Variants in TNFSF4 observed in about 807,000 individuals in gnomAD.
TNFSF4 encodes the protein tumor necrosis factor ligand superfamily member 4.
TNFSF4 carries 4 observed loss-of-function variants against 7.3 expected under a neutral mutation model. The observed-to-expected ratio is 0.55, with a 90% confidence interval of 0.27 to 1.25. TNFSF4 has a LOEUF of 1.25. Among genes scored for constraint, TNFSF4 ranks in the 50% most tolerant of loss-of-function variants. TNFSF4 has a pLI of 0.12. For synonymous variants in TNFSF4, 76 were observed against 83.7 expected, an observed-to-expected ratio of 0.91 and a Z score of 0.50; for missense variants, 181 against 208.8, an observed-to-expected ratio of 0.87 and a Z score of 0.82.
At chr1:173,336,735 C>A in the TNFSF4 span, among the ~76,000 whole-genome samples, 1 of 152,132 alleles carries the variant, frequency 6.6e-6, no homozygotes, top group Non-Finnish European at 1.5e-5. Context: ...GTTGGTAAGA[C>A]ATTTGCACAT....
the TNFSF4 span, among the ~76,000 whole-genome samples, chr1:173,297,084 G>A: frequency 8.0e-4 from 121 of 152,036 alleles, 1 homozygote; most frequent in South Asian, 0.024. Context: ...GAGCAAGAGA[G>A]TTTTTGTCCT....
At chr1:173,328,920 C>T in the TNFSF4 span, among the ~76,000 whole-genome samples, 2 of 152,150 alleles carry the variant, frequency 1.3e-5, no homozygotes, top group Admixed American at 1.3e-4. Flanking sequence ...AATTCCACCA[C>T]ACGTGGAAAG....
chr1:173,285,041 T>C, the TNFSF4 span, among the ~76,000 whole-genome samples: 5 of 152,322 alleles, frequency 3.3e-5, no homozygotes, highest in Non-Finnish European at 7.3e-5. Context: ...GCAAAGTCCA[T>C]TGAAAACTTT....
the TNFSF4 span, among the ~76,000 whole-genome samples, chr1:173,332,967 A>T: frequency 6.6e-6 from 1 of 152,236 alleles, no homozygotes; most frequent in Non-Finnish European, 1.5e-5. Context: ...CACCATATAC[A>T]AGTTTAGAAT....
the TNFSF4 span, among the ~76,000 whole-genome samples, chr1:173,264,748 C>T: frequency 5.6e-3 from 853 of 152,254 alleles, 9 homozygotes; most frequent in African/African-American, 0.019. Flanking sequence ...AGACAGAGAG[C>T]GGGTACTGAA....
chr1:173,409,032 A>C, the TNFSF4 span, among the ~76,000 whole-genome samples: 3 of 152,222 alleles, frequency 2.0e-5, no homozygotes, highest in African/African-American at 4.8e-5. Flanking sequence ...TTAATAAGAC[A>C]AACTGAAATT....
the TNFSF4 span, among the ~76,000 whole-genome samples, chr1:173,380,229 T>C: frequency 1.3e-5 from 2 of 152,148 alleles, no homozygotes; most frequent in African/African-American, 2.4e-5. Flanking sequence ...TGCCTGAAAG[T>C]CCCACACCCT....
At chr1:173,380,232 C>T in the TNFSF4 span, among the ~76,000 whole-genome samples, 2 of 152,292 alleles carry the variant, frequency 1.3e-5, no homozygotes, top group South Asian at 4.1e-4. Context: ...CTGAAAGTCC[C>T]ACACCCTTAT....
At chr1:173,396,077 A>G in the TNFSF4 span, among the ~76,000 whole-genome samples, 3 of 152,160 alleles carry the variant, frequency 2.0e-5, no homozygotes, top group Non-Finnish European at 2.9e-5. Flanking sequence ...TATACCTATA[A>G]CTACATTTGT....
intron 1 of TNFSF4, among the ~76,000 whole-genome samples, chr1:173,191,795 C>T (rs938118144): frequency 6.6e-6 from 1 of 152,140 alleles, no homozygotes; most frequent in African/African-American, 2.4e-5. Context: ...ATACTGTGAG[C>T]GGAACTTTCC....
the TNFSF4 span, among the ~76,000 whole-genome samples, chr1:173,213,052 T>C: frequency 6.6e-6 from 1 of 152,098 alleles, no homozygotes; most frequent in Non-Finnish European, 1.5e-5. Context: ...GTCTAAACAA[T>C]ACTGAAAACA....
At chr1:173,432,322 ATGT>A in the TNFSF4 span, among the ~76,000 whole-genome samples, 1 of 152,222 alleles carries the variant, frequency 6.6e-6, no homozygotes, top group Non-Finnish European at 1.5e-5. Context: ...TCAAATTCAT[ATGT>A]TGAAGTCCTA....
chr1:173,384,673 G>A, the TNFSF4 span, among the ~76,000 whole-genome samples: 1 of 152,064 alleles, frequency 6.6e-6, no homozygotes, highest in African/African-American at 2.4e-5. Flanking sequence ...AGAAAAAAAA[G>A]CGATGAAACA....
the TNFSF4 span, among the ~76,000 whole-genome samples, chr1:173,307,411 T>A: frequency 6.6e-6 from 1 of 151,838 alleles, no homozygotes; most frequent in African/African-American, 2.4e-5. Flanking sequence ...TGTGTCAATG[T>A]CGTGAATGAC....
the TNFSF4 span, among the ~76,000 whole-genome samples, chr1:173,309,470 T>A: frequency 6.6e-6 from 1 of 151,956 alleles, no homozygotes; most frequent in East Asian, 1.9e-4. Context: ...TTGAGACAAT[T>A]ATATAATTTT....
the TNFSF4 span, among the ~76,000 whole-genome samples, chr1:173,290,684 A>T: frequency 3.3e-5 from 5 of 152,158 alleles, no homozygotes; most frequent in Non-Finnish European, 5.9e-5. Context: ...CGAGACAGAA[A>T]ACTAAAAAGA....
chr1:173,301,352 A>T, the TNFSF4 span, among the ~76,000 whole-genome samples: 1 of 151,316 alleles, frequency 6.6e-6, no homozygotes, highest in South Asian at 2.1e-4. Context: ...AAAAAGTTCC[A>T]TTTTTTTTAC....
At chr1:173,430,271 T>G in the TNFSF4 span, among the ~76,000 whole-genome samples, 1 of 152,252 alleles carries the variant, frequency 6.6e-6, no homozygotes, top group African/African-American at 2.4e-5. Context: ...ATAACATTGT[T>G]TCATCTTGAA....
chr1:173,446,705 T>A, the TNFSF4 span, among the ~76,000 whole-genome samples: 1 of 152,186 alleles, frequency 6.6e-6, no homozygotes, highest in African/African-American at 2.4e-5. Flanking sequence ...CTGGCCTTCA[T>A]CTTTCTCCCC....
Sources: gnomAD v4.1 joint callset for allele counts (sites outside exome capture counted in the v4.1 genomes callset) on GRCh38, gnomAD v4.1.1 for gene constraint, MANE v1.5 for transcripts, NCBI Gene and HGNC (gene_info 2026-07-23, HGNC 2026-07-21) for gene names.